The following MAST4 variants were observed in gnomAD, a reference collection of about 807,000 sequenced individuals.
MAST4 encodes microtubule-associated serine/threonine-protein kinase 4.
In MAST4, 89 loss-of-function variants were observed where a neutral mutation model predicts 162.7. The observed-to-expected ratio is 0.55, with a 90% confidence interval of 0.46 to 0.65. The LOEUF (loss-of-function observed/expected upper bound fraction) is 0.65. Ranked by LOEUF, MAST4 falls within the 30% of genes least tolerant of loss-of-function variation. The pLI is 0.00. For missense variants in MAST4, 3,153 were observed against 3,374.0 expected, an observed-to-expected ratio of 0.93 and a Z score of 1.62; for synonymous variants, 1,479 against 1,361.1, an observed-to-expected ratio of 1.09 and a Z score of -1.91.
chr5:66,927,974 T>C (rs1314957590), intron 4 of MAST4, among the ~76,000 whole-genome samples: 5 of 152,186 alleles, frequency 3.3e-5, no homozygotes, highest in Non-Finnish European at 7.4e-5. Context: ...CTTTTATCTT[T>C]ACATGACATT....
chr5:67,123,071 G>C (rs1028864971), intron 14 of MAST4, among the ~76,000 whole-genome samples: 3 of 152,176 alleles, frequency 2.0e-5, no homozygotes, highest in Non-Finnish European at 4.4e-5. Context: ...CCCAGTCAGT[G>C]AGGCTGACTG....
At chr5:66,861,072 T>C (rs892677041) in intron 3 of MAST4, among the ~76,000 whole-genome samples, 1 of 152,168 alleles carries the variant, frequency 6.6e-6, no homozygotes, top group African/African-American at 2.4e-5. Flanking sequence ...TGCCTTATAA[T>C]TGGGTCACAG....
At chr5:67,162,856 A>G in intron 28 of MAST4, 68 bp downstream of exon 28, 1 of 1,473,234 alleles carries the variant, frequency 6.8e-7, no homozygotes, top group Non-Finnish European at 9.2e-7. Context: ...TCCCCAAAAA[A>G]CATGAAGCTT....
intron 17 of MAST4, 42 bp downstream of exon 17, chr5:67,133,688 A>G (rs1217050940): frequency 6.2e-7 from 1 of 1,606,244 alleles, no homozygotes; most frequent in East Asian, 2.2e-5. Context: ...AATACAAAGT[A>G]TGGTATTGCC....
At chr5:67,133,473 T>A in intron 16 of MAST4, 41 bp from the exon 17 acceptor site, 2 of 1,606,418 alleles carry the variant, frequency 1.2e-6, no homozygotes, top group Non-Finnish European at 1.7e-6. Context: ...ATAACCAGCT[T>A]ATAAAGTGAT....
intron 1 of MAST4, among the ~76,000 whole-genome samples, chr5:66,612,009 A>G (rs758891761): frequency 7.2e-5 from 11 of 152,198 alleles, no homozygotes; most frequent in Admixed American, 2.6e-4. Flanking sequence ...GAATAATTTG[A>G]ATTTTGAGGG....
Position 66,847,820 on chromosome 5 carries a change from C to CAA in MAST4, c.643-52109_643-52108dup, listed in dbSNP as rs777825639. Among the ~76,000 whole-genome samples, 107 of 53,812 alleles carry CAA rather than the reference C, an allele frequency of 2.0e-3. 2 individuals are homozygous for CAA. Among genetic ancestry groups the CAA allele is most frequent in the South Asian group, 6.8e-3 (5 of 734 alleles). 35.3% of individuals were successfully genotyped at this position (53,812 alleles called of 152,430 possible). A position where few individuals can be genotyped will look rare whatever the true frequency, so the allele number is the denominator to read the frequency against. On this transcript the variant is annotated intron_variant, in intron 3 of 28. Transcript: ENST00000403625. ...TGGGTGCTGGAACAAGACTCCTTCT[C>CAA]AAAAAAAAAAAAAAAAAAAAAAAGA...
chr5:67,091,339 G>C (rs1763846015), intron 6 of MAST4, among the ~76,000 whole-genome samples: 1 of 152,128 alleles, frequency 6.6e-6, no homozygotes, highest in African/African-American at 2.4e-5. Flanking sequence ...TTCCCATCAT[G>C]TGTTAAATGC....
chr5:66,986,549 CTCTG>C lies in MAST4; in HGVS notation c.675-67851_675-67848del. Reference sequence around the variant, plus strand: ...TATTGTTTCCTTTCCAGTACTTTCTCTCTGTCTTTCCATATAGACATATATATAT... The same window carrying C: ...TATTGTTTCCTTTCCAGTACTTTCTCTCTTTCCATATAGACATATATATAT... On this transcript the variant is annotated intron_variant, in intron 4 of 28. Coordinates refer to ENST00000403625, the MANE Select transcript of MAST4 (RefSeq NM_001164664.2). The C allele has an allele frequency of 3.0e-6, 4 of 1,345,544 alleles. No homozygotes were observed. The Admixed American group carries it at 7.0e-5, about 24-fold the overall frequency. 83.4% of individuals were successfully genotyped at this position (1,345,544 alleles called of 1,614,324 possible).
intron 1 of MAST4, among the ~76,000 whole-genome samples, chr5:66,743,236 G>A (rs1752571333): frequency 6.6e-6 from 1 of 151,980 alleles, no homozygotes; most frequent in African/African-American, 2.4e-5. Flanking sequence ...CATTTCCCAT[G>A]TCCCCTCTTC....
chr5:66,980,588 T>C (rs1054108206), intron 4 of MAST4, among the ~76,000 whole-genome samples: 4 of 152,216 alleles, frequency 2.6e-5, no homozygotes, highest in Non-Finnish European at 4.4e-5. Flanking sequence ...ATGACCTCAA[T>C]TCATCAGAAA....
chr5:66,963,628 A>G (rs986116218), intron 4 of MAST4: 4 of 765,422 alleles, frequency 5.2e-6, no homozygotes, highest in African/African-American at 1.7e-5. Context: ...CCTAAAGGGA[A>G]CACAGTCCCT....
At chr5:66,887,309 T>C (rs749768660) in intron 3 of MAST4, among the ~76,000 whole-genome samples, 4 of 152,224 alleles carry the variant, frequency 2.6e-5, no homozygotes, top group Non-Finnish European at 5.9e-5. Flanking sequence ...TTCATTTTCT[T>C]TGGATAACAT....
intron 1 of MAST4, among the ~76,000 whole-genome samples, chr5:66,649,408 T>G (rs1357873944): frequency 1.3e-5 from 2 of 152,290 alleles, no homozygotes; most frequent in African/African-American, 2.4e-5. Flanking sequence ...ATGAGTGGCC[T>G]CCACTTGATG....
intron 5 of MAST4, among the ~76,000 whole-genome samples, chr5:67,064,140 A>G (rs1759956721): frequency 6.6e-6 from 1 of 152,122 alleles, no homozygotes; most frequent in Admixed American, 6.5e-5. Flanking sequence ...GAGGGGAGGA[A>G]ATCATTGAAA....
intron 5 of MAST4, among the ~76,000 whole-genome samples, chr5:67,063,080 A>G (rs1039226443): frequency 3.3e-5 from 5 of 151,898 alleles, no homozygotes; most frequent in African/African-American, 9.7e-5. Flanking sequence ...TTCACAGTGC[A>G]TCTGTTCTGT....
intron 1 of MAST4, among the ~76,000 whole-genome samples, chr5:66,736,315 A>ATTTTTTTTTTTTTTT (rs150887206): frequency 7.2e-6 from 1 of 138,988 alleles, no homozygotes; most frequent in Non-Finnish European, 1.6e-5. Flanking sequence ...TAGTGAGGGA[A>ATTTTTTTTTTTTTTT]TTTTTTTTTT....
At chr5:66,724,868 G>T (rs1055266036) in intron 1 of MAST4, among the ~76,000 whole-genome samples, 2 of 151,896 alleles carry the variant, frequency 1.3e-5, no homozygotes, top group South Asian at 2.1e-4. Context: ...TATCTTAAAT[G>T]GTCAATAATT....
chr5:66,961,273 A>G (rs1189042898), intron 4 of MAST4, among the ~76,000 whole-genome samples: 1 of 152,234 alleles, frequency 6.6e-6, no homozygotes, highest in African/African-American at 2.4e-5. Context: ...TTTAATGTAT[A>G]TAAATTTAAT....
Sources: allele counts gnomAD v4.1 joint callset (sites outside exome capture counted in the v4.1 genomes callset), GRCh38; gene constraint gnomAD v4.1.1; transcripts MANE v1.5; gene names NCBI Gene and HGNC (gene_info 2026-07-23, HGNC 2026-07-21).